FAM171B: variants seen among roughly 807,000 people sequenced by gnomAD.
FAM171B encodes protein FAM171B.
A neutral mutation model predicts 75.6 loss-of-function variants in FAM171B; 19 were observed. The ratio of observed to expected loss-of-function variants is 0.25; its 90% confidence interval spans 0.18 to 0.37. The LOEUF (loss-of-function observed/expected upper bound fraction) is 0.37. FAM171B is among the 10% of genes least tolerant of loss of function. The pLI is 1.00. For synonymous variants in FAM171B, 367 were observed against 361.7 expected, an observed-to-expected ratio of 1.01 and a Z score of -0.17; for missense variants, 848 against 982.4, an observed-to-expected ratio of 0.86 and a Z score of 1.83.
Position 186,765,840 on chromosome 2 carries a change from A to T in FAM171B, c.*3017A>T, listed in dbSNP as rs1436550571. ...TTTTGTATTCTTTCAGAGAAATCTC[A>T]TATTTCGGTGTATTTATTGCTGTTA... On this transcript the variant is annotated 3_prime_UTR_variant, in exon 8 of 8. Coordinates refer to ENST00000304698, the MANE Select transcript of FAM171B (RefSeq NM_177454.4). The T allele has an allele frequency of 6.6e-6, 1 of 152,072 alleles. No homozygotes were observed. Among genetic ancestry groups the T allele is most frequent in the East Asian group, 1.9e-4 (1 of 5,188 alleles). The allele number at this position is 152,072 out of a possible 1,614,324, so 9.4% of individuals were successfully genotyped here.
chr2:186,736,987 T>G (rs1690212030), intron 1 of FAM171B, among the ~76,000 whole-genome samples: 1 of 152,216 alleles, frequency 6.6e-6, no homozygotes, highest in African/African-American at 2.4e-5. Context: ...AATAATAATT[T>G]TTATTACCAA....
chr2:186,728,671 T>G (rs897588446), intron 1 of FAM171B, among the ~76,000 whole-genome samples: 1 of 152,216 alleles, frequency 6.6e-6, no homozygotes, highest in Non-Finnish European at 1.5e-5. Context: ...TTTAGCAATG[T>G]ATTCCTATAG....
chr2:186,734,035 C>A (rs559229135), intron 1 of FAM171B, among the ~76,000 whole-genome samples: 2 of 152,258 alleles, frequency 1.3e-5, no homozygotes, highest in South Asian at 2.1e-4. Context: ...GGGGACTGAG[C>A]TTTTATCCCA....
intron 1 of FAM171B, among the ~76,000 whole-genome samples, chr2:186,735,399 A>T (rs1295896775): frequency 6.6e-6 from 1 of 152,196 alleles, no homozygotes; most frequent in East Asian, 1.9e-4. Flanking sequence ...CAAATGGCCA[A>T]TCCTTAGGTT....
chr2:186,731,879 C>T (rs929705368), intron 1 of FAM171B, among the ~76,000 whole-genome samples: 9 of 152,258 alleles, frequency 5.9e-5, no homozygotes, highest in African/African-American at 2.2e-4. Context: ...ATCTAGGTTG[C>T]ATGCTCCTTA....
intron 1 of FAM171B, among the ~76,000 whole-genome samples, chr2:186,700,190 G>A (rs1443452234): frequency 6.6e-6 from 1 of 151,156 alleles, no homozygotes; most frequent in Non-Finnish European, 1.5e-5. Context: ...TTTTGATAGA[G>A]ATTCCATTGA....
At chr2:186,724,933 G>A (rs1219023241) in intron 1 of FAM171B, among the ~76,000 whole-genome samples, 1 of 152,192 alleles carries the variant, frequency 6.6e-6, no homozygotes, top group East Asian at 1.9e-4. Flanking sequence ...CTAAATTCTC[G>A]TCTTTCCTCT....
chr2:186,729,071 A>T (rs887968351), intron 1 of FAM171B, among the ~76,000 whole-genome samples: 4 of 152,088 alleles, frequency 2.6e-5, no homozygotes, highest in Non-Finnish European at 5.9e-5. Flanking sequence ...AATTTTAGTG[A>T]TTCTCACTAC....
At chr2:186,724,979 G>A (rs987280472) in intron 1 of FAM171B, among the ~76,000 whole-genome samples, 1 of 152,192 alleles carries the variant, frequency 6.6e-6, no homozygotes, top group Non-Finnish European at 1.5e-5. Flanking sequence ...ATCAGCTTAT[G>A]TATTTCTATT....
intron 1 of FAM171B, among the ~76,000 whole-genome samples, chr2:186,729,865 G>C (rs1160474333): frequency 6.6e-6 from 1 of 152,186 alleles, no homozygotes. Flanking sequence ...AAGAGTTAAT[G>C]TGGTACATGG....
rs76030918 is a variant in FAM171B, at chr2:186,716,960, A to G, written c.238+22549A>G. On this transcript the variant is annotated intron_variant, in intron 1 of 7. Transcript: ENST00000304698. The stretch of plus-strand genomic sequence containing the variant: ...ATCCTCTGATAACCCTGTGAGGTAT[A>G]TCTGTTAGGCAGGTGCTGTCATTGT... Among the ~76,000 whole-genome samples the G allele has an allele frequency of 8.8e-3, 1,343 of 152,264 alleles. 25 individuals carry two copies. Among genetic ancestry groups the G allele is most frequent in the African/African-American group, 0.031 (1,276 of 41,550 alleles).
chr2:186,737,942 C>T lies in FAM171B; in HGVS notation c.239-2286C>T, dbSNP rs141113954. Among the ~76,000 whole-genome samples the T allele has an allele frequency of 1.7e-3, 260 of 152,320 alleles. 1 individual carries two copies. Among genetic ancestry groups the T allele is most frequent in the African/African-American group, 5.4e-3 (226 of 41,580 alleles). ...AGCCCAGCAGGCTGTGCTCGGCTCG[C>T]GCCTGCTCAGATCCCACACCCGCTG... On this transcript the variant is annotated intron_variant, in intron 1 of 7. Coordinates refer to ENST00000304698, the MANE Select transcript of FAM171B (RefSeq NM_177454.4).
At chr2:186,710,872 A>G (rs1279535100) in intron 1 of FAM171B, among the ~76,000 whole-genome samples, 1 of 151,934 alleles carries the variant, frequency 6.6e-6, no homozygotes, top group African/African-American at 2.4e-5. Context: ...CTTTATCTCT[A>G]TTACTGTCTT....
intron 1 of FAM171B, 59 bp downstream of exon 1, chr2:186,694,470 C>G: frequency 6.5e-7 from 1 of 1,543,866 alleles, no homozygotes; most frequent in Non-Finnish European, 8.8e-7. Context: ...CTTAGGGCCT[C>G]GCCGGCTTCC....
Position 186,747,250 on chromosome 2 carries a change from G to A in FAM171B, c.724G>A (p.Gly242Ser), listed in dbSNP as rs746072556. Residue 242 changes from glycine (G) to serine (S), a missense_variant and splice_region_variant, in exon 4 of 8, where the codon GGT (glycine) becomes AGT (serine). Transcript: ENST00000304698. ...HTTGITLNKP[G>S]FENIELTPLA... ...AACTGGAATTACTCTCAATAAACCA[G>A]GTATTATCTACTTTTTGTATAATAT... 1.9e-6 allele frequency: 3 copies of A among 1,564,854 alleles called. No homozygotes were observed. The highest frequency in any genetic ancestry group is 1.7e-4 in the Middle Eastern group (1 of 5,786).
At chr2:186,728,645 T>A (rs1690069121) in intron 1 of FAM171B, among the ~76,000 whole-genome samples, 1 of 152,258 alleles carries the variant, frequency 6.6e-6, no homozygotes, top group South Asian at 2.1e-4. Flanking sequence ...ATAGTCTGTT[T>A]ATAAAATCTT....
intron 1 of FAM171B, among the ~76,000 whole-genome samples, chr2:186,734,618 G>A (rs1690170281): frequency 6.6e-6 from 1 of 152,184 alleles, no homozygotes; most frequent in Non-Finnish European, 1.5e-5. Flanking sequence ...ATGGGCGGAA[G>A]TACATGCTGA....
At chr2:186,711,785 C>T (rs1201040386) in intron 1 of FAM171B, among the ~76,000 whole-genome samples, 1 of 152,118 alleles carries the variant, frequency 6.6e-6, no homozygotes, top group African/African-American at 2.4e-5. Flanking sequence ...ACTTTTTTCT[C>T]ATTGACACTG....
chr2:186,736,567 G>GTGTGTGTGTGTGGGA (rs55683607), intron 1 of FAM171B, among the ~76,000 whole-genome samples: 4,895 of 104,430 alleles, frequency 0.047, 95 homozygotes, highest in Non-Finnish European at 0.079. Flanking sequence ...TGTGTGTGTG[G>GTGTGTGTGTGTGGGA]GAGAGAGAGA....
Sources: allele counts gnomAD v4.1 joint callset (sites outside exome capture counted in the v4.1 genomes callset), GRCh38; gene constraint gnomAD v4.1.1; transcripts MANE v1.5; gene names NCBI Gene and HGNC (gene_info 2026-07-23, HGNC 2026-07-21).